Variants in EFCAB11 observed in about 807,000 individuals in gnomAD.
EFCAB11 encodes EF-hand calcium binding domain 11.
Under a neutral mutation model 23.0 loss-of-function variants are expected in EFCAB11, and 14 were observed. The observed-to-expected ratio is 0.61, with a 90% CI of 0.40 to 0.95. The LOEUF (loss-of-function observed/expected upper bound fraction) is 0.95. Ranked by LOEUF, EFCAB11 falls within the 40% of genes least tolerant of loss-of-function variation. The pLI is 0.00. For missense variants in EFCAB11, 198 were observed against 195.8 expected, an observed-to-expected ratio of 1.01 and a Z score of -0.07; for synonymous variants, 65 against 66.6, an observed-to-expected ratio of 0.98 and a Z score of 0.11.
At chr14:89,951,296 C>G (rs1891155855) in intron 2 of EFCAB11, among the ~76,000 whole-genome samples, 1 of 152,114 alleles carries the variant, frequency 6.6e-6, no homozygotes, top group Non-Finnish European at 1.5e-5. Context: ...GTCACTCTTA[C>G]CACCACCACA....
chr14:89,916,509 A>G (rs563764468), intron 5 of EFCAB11, among the ~76,000 whole-genome samples: 2 of 152,346 alleles, frequency 1.3e-5, no homozygotes, highest in East Asian at 3.9e-4. Context: ...CTAAATCTCC[A>G]ATTGAAAGCC....
chr14:89,910,546 G>A (rs1179811060), intron 5 of EFCAB11, among the ~76,000 whole-genome samples: 1 of 152,078 alleles, frequency 6.6e-6, no homozygotes, highest in Non-Finnish European at 1.5e-5. Context: ...GCAGTGAGCA[G>A]AGACTGTGTC....
chr14:89,949,195 G>C (rs189875776), intron 3 of EFCAB11, among the ~76,000 whole-genome samples: 23 of 152,020 alleles, frequency 1.5e-4, no homozygotes, highest in African/African-American at 4.6e-4. Context: ...TTCCCATGAT[G>C]TGACTATTAC....
chr14:89,943,710 T>C (rs1056575180), intron 3 of EFCAB11, among the ~76,000 whole-genome samples: 1 of 152,208 alleles, frequency 6.6e-6, no homozygotes, highest in Non-Finnish European at 1.5e-5. Flanking sequence ...TGGTTCAGTA[T>C]TGAACAATTC....
chr14:89,934,769 C>T (rs7144055), intron 3 of EFCAB11, among the ~76,000 whole-genome samples: 22,172 of 152,102 alleles, frequency 0.15, 3,532 homozygotes, highest in African/African-American at 0.4. Flanking sequence ...TCTAGCTATG[C>T]CATGTGCCCA....
intron 5 of EFCAB11, among the ~76,000 whole-genome samples, chr14:89,834,083 G>T (rs1886973594): frequency 6.6e-6 from 1 of 152,006 alleles, no homozygotes; most frequent in African/African-American, 2.4e-5. Flanking sequence ...GGCCGTGTGT[G>T]GTGGCTCACA....
chr14:89,929,821 A>C lies in EFCAB11; in HGVS notation c.410+1720T>G, dbSNP rs1890329408. On this transcript the variant is annotated intron_variant, in intron 5 of 5. Coordinates refer to ENST00000316738, the MANE Select transcript of EFCAB11 (RefSeq NM_145231.4). ...CTGTAGCATAGCTTTTCTTCTAAGAAGGTGTTACTTTCTCATTCATCGTTA... is the reference window on the plus strand; with the variant it reads ...CTGTAGCATAGCTTTTCTTCTAAGACGGTGTTACTTTCTCATTCATCGTTA... 2.6e-5 allele frequency among the ~76,000 whole-genome samples: 4 copies of C among 152,246 alleles called. No individual in the cohort carries two copies. In the South Asian group the frequency reaches 8.3e-4, roughly 31 times the overall value.
At chr14:89,954,550 T>C (rs371984459) in intron 1 of EFCAB11, 36 bp downstream of exon 1, 46 of 1,609,906 alleles carry the variant, frequency 2.9e-5, no homozygotes, top group Non-Finnish European at 3.8e-5. Context: ...CAGGCCAAGC[T>C]GAAGTCCGAG....
intron 5 of EFCAB11, chr14:89,924,159 A>C: frequency 3.1e-5 from 31 of 985,978 alleles, no homozygotes; most frequent in Non-Finnish European, 3.7e-5. Context: ...CTTATTCAAC[A>C]AGCAATGACA....
intron 5 of EFCAB11, among the ~76,000 whole-genome samples, chr14:89,856,939 A>T (rs1887772660): frequency 6.6e-6 from 1 of 152,230 alleles, no homozygotes; most frequent in Non-Finnish European, 1.5e-5. Context: ...ACAGTGATTC[A>T]TTCTGGGCAA....
intron 5 of EFCAB11, among the ~76,000 whole-genome samples, chr14:89,798,797 T>C (rs1885664497): frequency 6.6e-6 from 1 of 152,244 alleles, no homozygotes; most frequent in Admixed American, 6.5e-5. Context: ...ATTAACTTTT[T>C]GTTTTTTGAG....
intron 5 of EFCAB11, among the ~76,000 whole-genome samples, chr14:89,926,323 A>C (rs1890192806): frequency 6.6e-6 from 1 of 152,206 alleles, no homozygotes; most frequent in Admixed American, 6.5e-5. Context: ...AAAAAGTTAT[A>C]ATTAGTTTCC....
At chr14:89,940,049 A>T (rs779963489) in intron 3 of EFCAB11, among the ~76,000 whole-genome samples, 1 of 152,266 alleles carries the variant, frequency 6.6e-6, no homozygotes, top group South Asian at 2.1e-4. Context: ...CATAAAATAT[A>T]TATTTTTAAA....
At chr14:89,889,906 C>G (rs889307930) in intron 5 of EFCAB11, among the ~76,000 whole-genome samples, 1 of 152,222 alleles carries the variant, frequency 6.6e-6, no homozygotes, top group Admixed American at 6.5e-5. Flanking sequence ...ATGTACCCTT[C>G]CCGTGTGCTG....
At chr14:89,842,598 A>C (rs983313668) in intron 5 of EFCAB11, among the ~76,000 whole-genome samples, 3 of 25,138 alleles carry the variant, frequency 1.2e-4, no homozygotes, top group Non-Finnish European at 2.7e-4. Context: ...ATATGATATA[A>C]TATGATATGA....
chr14:89,899,382 T>C (rs1204632684), intron 5 of EFCAB11, among the ~76,000 whole-genome samples: 3 of 152,228 alleles, frequency 2.0e-5, no homozygotes, highest in African/African-American at 7.2e-5. Flanking sequence ...GAGACCCCAT[T>C]TACATGCTCA....
chr14:89,949,196 T>A (rs990629458), intron 3 of EFCAB11, among the ~76,000 whole-genome samples: 2 of 152,054 alleles, frequency 1.3e-5, no homozygotes, highest in Non-Finnish European at 2.9e-5. Context: ...TCCCATGATG[T>A]GACTATTACA....
chr14:89,910,221 C>G (rs1467505688), intron 5 of EFCAB11, among the ~76,000 whole-genome samples: 1 of 152,146 alleles, frequency 6.6e-6, no homozygotes, highest in Non-Finnish European at 1.5e-5. Flanking sequence ...GATTAGGGGA[C>G]AAAGAGAAGG....
intron 3 of EFCAB11, among the ~76,000 whole-genome samples, chr14:89,933,540 A>T (rs564384186): frequency 6.6e-5 from 10 of 152,376 alleles, no homozygotes; most frequent in African/African-American, 2.4e-4. Flanking sequence ...AAATGTAGAA[A>T]TGATTTTCTT....
Sources: allele counts gnomAD v4.1 joint callset (sites outside exome capture counted in the v4.1 genomes callset), GRCh38; gene constraint gnomAD v4.1.1; transcripts MANE v1.5; gene names NCBI Gene and HGNC (gene_info 2026-07-23, HGNC 2026-07-21).